The following SH3GL2 variants were observed in gnomAD, a reference collection of about 807,000 sequenced individuals.
The protein encoded by SH3GL2 is endophilin-A1.
A neutral mutation model predicts 46.0 loss-of-function variants in SH3GL2; 24 were observed. That is an observed-to-expected ratio of 0.52 (90% CI 0.38 to 0.73). The LOEUF (loss-of-function observed/expected upper bound fraction) is 0.73. Among genes scored for constraint, SH3GL2 ranks in the 30% least tolerant of loss-of-function variants. The probability of loss-of-function intolerance (pLI) is 0.00; values close to 1 mark genes in which losing one functional copy is unlikely to be tolerated. For synonymous variants in SH3GL2, 196 were observed against 147.1 expected (o/e 1.33, Z -2.40); for missense variants, 413 against 424.2 (o/e 0.97, Z 0.23).
intron 1 of SH3GL2, among the ~76,000 whole-genome samples, chr9:17,737,486 A>G (rs762084427): frequency 4.9e-4 from 74 of 152,060 alleles, no homozygotes; most frequent in Non-Finnish European, 1.5e-4. Context: ...AGCCCATTGT[A>G]TTAACCTACA....
chr9:17,685,225 C>G (rs923838815), intron 1 of SH3GL2, among the ~76,000 whole-genome samples: 1 of 151,954 alleles, frequency 6.6e-6, no homozygotes, highest in Non-Finnish European at 1.5e-5. Context: ...TGGGAACTGA[C>G]AAGTGCAAAA....
chr9:17,672,451 T>C (rs1051120413), intron 1 of SH3GL2, among the ~76,000 whole-genome samples: 5 of 152,190 alleles, frequency 3.3e-5, no homozygotes, highest in African/African-American at 1.2e-4. Flanking sequence ...GGCTGAATTT[T>C]CTTAGAAAAA....
intron 1 of SH3GL2, among the ~76,000 whole-genome samples, chr9:17,620,649 CA>C (rs1003689688): frequency 1.6e-4 from 24 of 152,212 alleles, no homozygotes; most frequent in African/African-American, 5.8e-4. Flanking sequence ...AGCAGTCCAG[CA>C]ATGGGATTGG....
chr9:17,641,547 C>T (rs147214452), intron 1 of SH3GL2, among the ~76,000 whole-genome samples: 2,177 of 152,146 alleles, frequency 0.014, 51 homozygotes, highest in African/African-American at 0.05. Context: ...CCCATCAACC[C>T]GTCATCTACA....
chr9:17,786,358 G>T (rs1265261750), intron 3 of SH3GL2, 23 bp from the exon 4 acceptor site: 1 of 1,596,930 alleles, frequency 6.3e-7, no homozygotes, highest in African/African-American at 1.4e-5. Context: ...TACTCTGAAA[G>T]CTTGTTCTCT....
chr9:17,609,161 G>T (rs1319858561), intron 1 of SH3GL2, among the ~76,000 whole-genome samples: 1 of 152,184 alleles, frequency 6.6e-6, no homozygotes, highest in African/African-American at 2.4e-5. Context: ...GCCCGATAAA[G>T]TAGTTTTTTA....
In SH3GL2 at chr9:17,712,089, C is replaced by G. The variant is rs577935577; in HGVS notation, c.46-34977C>G. ...ATGATGTTGAGCGTCTTTTTATGTG[C>G]TTTTTTTGCTATTCCTATTTTCTTT... is the stretch of plus-strand genomic sequence containing the variant. On this transcript the variant is annotated intron_variant, in intron 1 of 8. Coordinates refer to ENST00000380607, the MANE Select transcript of SH3GL2 (RefSeq NM_003026.5). Among the ~76,000 whole-genome samples the G allele has an allele frequency of 3.5e-4, 53 of 151,774 alleles. 1 individual carries two copies. Among genetic ancestry groups the G allele is most frequent in the Admixed American group, 3.4e-3 (51 of 15,188 alleles).
At chr9:17,586,259 T>G (rs1176529558) in intron 1 of SH3GL2, among the ~76,000 whole-genome samples, 1 of 152,180 alleles carries the variant, frequency 6.6e-6, no homozygotes, top group African/African-American at 2.4e-5. Flanking sequence ...ATAGTAGTAA[T>G]GAATATGGAG....
chr9:17,618,788 T>G (rs893989131), intron 1 of SH3GL2, among the ~76,000 whole-genome samples: 1 of 109,582 alleles, frequency 9.1e-6, no homozygotes, highest in Non-Finnish European at 1.9e-5. Context: ...CAAATTTGGC[T>G]TATTTTGTGT....
intron 1 of SH3GL2, among the ~76,000 whole-genome samples, chr9:17,607,633 T>C (rs1818784906): frequency 6.6e-6 from 1 of 152,238 alleles, no homozygotes; most frequent in African/African-American, 2.4e-5. Context: ...AAGACCTTTT[T>C]CCAAAGTATT....
At chr9:17,743,269 T>C (rs1003994897) in intron 1 of SH3GL2, among the ~76,000 whole-genome samples, 4 of 152,218 alleles carry the variant, frequency 2.6e-5, no homozygotes, top group African/African-American at 9.6e-5. Context: ...ATTTAGCTCC[T>C]TTGTGACTTG....
rs566732500 is a variant in SH3GL2, at chr9:17,725,338, C to G, written c.46-21728C>G. 9.9e-5 allele frequency among the ~76,000 whole-genome samples: 15 copies of G among 152,134 alleles called. No individual in the cohort carries two copies. The East Asian group carries it at 2.9e-3, about 30-fold the overall frequency. On this transcript the variant is annotated intron_variant, in intron 1 of 8. Transcript: ENST00000380607. Reference sequence around the variant, plus strand: ...TTGTCTCTAGGGGTGAGTGTGATTCCAAGAGCACTCTTCTTTGGTGTCTCT... The same window carrying G: ...TTGTCTCTAGGGGTGAGTGTGATTCGAAGAGCACTCTTCTTTGGTGTCTCT...
intron 1 of SH3GL2, among the ~76,000 whole-genome samples, chr9:17,709,526 C>T (rs976880575): frequency 6.6e-6 from 1 of 151,758 alleles, no homozygotes; most frequent in Non-Finnish European, 1.5e-5. Flanking sequence ...TCTTTTCCTC[C>T]GATGTGCCTA....
At chr9:17,757,086 G>A (rs896551266) in intron 2 of SH3GL2, among the ~76,000 whole-genome samples, 2 of 152,148 alleles carry the variant, frequency 1.3e-5, no homozygotes, top group African/African-American at 4.8e-5. Context: ...GTGATGATGA[G>A]CATTTTTCCA....
intron 7 of SH3GL2, among the ~76,000 whole-genome samples, chr9:17,792,772 C>T (rs1430066795): frequency 6.6e-6 from 1 of 152,172 alleles, no homozygotes; most frequent in Non-Finnish European, 1.5e-5. Flanking sequence ...CTCCTTCCCA[C>T]CTTCACCCAC....
At chr9:17,665,884 CATCT>C (rs1222583305) in intron 1 of SH3GL2, among the ~76,000 whole-genome samples, 1 of 148,152 alleles carries the variant, frequency 6.7e-6, no homozygotes, top group East Asian at 2.0e-4. Flanking sequence ...TCCATCCATC[CATCT>C]AGTTGTCCGT....
chr9:17,688,234 A>T (rs1002280861), intron 1 of SH3GL2, among the ~76,000 whole-genome samples: 1 of 152,012 alleles, frequency 6.6e-6, no homozygotes, highest in African/African-American at 2.4e-5. Flanking sequence ...CAGCATCACA[A>T]TGTGGCAGCC....
chr9:17,761,646 C>A (rs1042303259), intron 3 of SH3GL2, 137 bp downstream of exon 3: 30 of 755,980 alleles, frequency 4.0e-5, no homozygotes, highest in Non-Finnish European at 2.4e-6. Context: ...TTAGCGACTT[C>A]ATGGATAGCA....
intron 1 of SH3GL2, among the ~76,000 whole-genome samples, chr9:17,636,414 A>G (rs1380526016): frequency 2.6e-5 from 4 of 152,160 alleles, no homozygotes; most frequent in Non-Finnish European, 4.4e-5. Flanking sequence ...CCTTCCTGCT[A>G]AACTGTTTGT....
Sources: allele counts gnomAD v4.1 joint callset (sites outside exome capture counted in the v4.1 genomes callset), GRCh38; gene constraint gnomAD v4.1.1; transcripts MANE v1.5; gene names NCBI Gene and HGNC (gene_info 2026-07-23, HGNC 2026-07-21).